The following UPF3A variants were observed in gnomAD, a reference collection of about 807,000 sequenced individuals.
UPF3A encodes UPF3A regulator of nonsense mediated mRNA decay, also known as regulator of nonsense transcripts 3A.
UPF3A carries 42 observed loss-of-function variants against 53.5 expected under a neutral mutation model. The ratio of observed to expected loss-of-function variants is 0.78; its 90% confidence interval spans 0.61 to 1.01. The LOEUF (loss-of-function observed/expected upper bound fraction) is 1.01, where lower values mean the gene tolerates loss of function less well. UPF3A is among the 50% of genes least tolerant of loss of function. UPF3A has a pLI of 0.00. For missense variants in UPF3A, 575 were observed against 598.0 expected, an observed-to-expected ratio of 0.96 and a Z score of 0.40; for synonymous variants, 237 against 225.3, an observed-to-expected ratio of 1.05 and a Z score of -0.47.
chr13:114,286,379 A>G lies in UPF3A; in HGVS notation c.499A>G (p.Lys167Glu). The G allele has an allele frequency of 1.9e-6, 3 of 1,614,252 alleles. No homozygotes were observed. The highest frequency in any genetic ancestry group is 2.5e-6 in the Non-Finnish European group (3 of 1,180,040). Residue 167 changes from lysine (K) to glutamate (E), a missense_variant, in exon 4 of 10, where the codon AAG becomes GAG. By Grantham distance (56) the Lys-to-Glu change is moderately conservative. This residue lies in a region of UPF3A where 323 missense variants were observed against 415.2 expected (regional missense o/e 0.78). Transcript: ENST00000375299. ...AAAGAAGCTGAGAAAAAAAGATGCC[A>G]AGACTGGAAGCATCGAAGATGGTGA... ...AKKKLRKKDA[K>E]TGSIEDDPEY...
chr13:114,295,309 T>G (rs1045519860), intron 7 of UPF3A, among the ~76,000 whole-genome samples: 5 of 141,554 alleles, frequency 3.5e-5, no homozygotes, highest in African/African-American at 1.3e-4. Context: ...AGAGCTGGCC[T>G]GCTCCCCAGC....
chr13:114,298,488 C>T lies in UPF3A; in HGVS notation c.847-352C>T, dbSNP rs111226515. Among the ~76,000 whole-genome samples the T allele has an allele frequency of 9.5e-3, 1,443 of 152,208 alleles. 10 individuals are homozygous for T. Among genetic ancestry groups the T allele is most frequent in the African/African-American group, 0.024 (994 of 41,540 alleles). ...CTTGGAGGCGGAGGCTGCAGTGAGC[C>T]GGGAGTGCGCCACGGCACTTCAGCC... On this transcript the variant is annotated intron_variant, in intron 7 of 9. Transcript: ENST00000375299.
At chr13:114,287,017 G>A (rs2084760034) in intron 5 of UPF3A, 1 of 164,768 alleles carries the variant, frequency 6.1e-6, no homozygotes, top group Non-Finnish European at 1.3e-5. Context: ...TTGCGGTGAG[G>A]TCATCTTGCT....
chr13:114,291,283 G>A (rs190040290), intron 5 of UPF3A, among the ~76,000 whole-genome samples: 1 of 152,280 alleles, frequency 6.6e-6, no homozygotes, highest in Admixed American at 6.5e-5. Context: ...TCAGGAATTA[G>A]ATGTCTACTA....
rs1373123098 is a variant in UPF3A, at chr13:114,283,201, T to C, written c.421+258T>C. On this transcript the variant is annotated intron_variant, in intron 3 of 9. Transcript: ENST00000375299. ...CGGCTGATTTAAAAAAAAAATTGTGTAGAGACGGGGGTCTCACTGTGTTGC... is the reference window on the plus strand; with the variant it reads ...CGGCTGATTTAAAAAAAAAATTGTGCAGAGACGGGGGTCTCACTGTGTTGC... 9.7e-6 allele frequency: 3 copies of C among 308,780 alleles called. No homozygotes were observed. In the Admixed American group the frequency reaches 1.5e-4, roughly 16 times the overall value. The allele number at this position is 308,780 out of a possible 1,614,324, so 19.1% of individuals were successfully genotyped here.
chr13:114,293,103 G>T (rs1351974590), intron 7 of UPF3A, among the ~76,000 whole-genome samples: 1 of 144,432 alleles, frequency 6.9e-6, no homozygotes, highest in Non-Finnish European at 1.5e-5. Context: ...AAATTTCCTG[G>T]CCGGGTGGGG....
intron 8 of UPF3A, 48 bp from the exon 9 acceptor site, chr13:114,301,683 C>T: frequency 6.4e-7 from 1 of 1,563,294 alleles, no homozygotes; most frequent in Non-Finnish European, 8.7e-7. Flanking sequence ...GGGTGGGCAG[C>T]CAACCGGCGG....
intron 8 of UPF3A, among the ~76,000 whole-genome samples, chr13:114,300,420 G>A (rs531165874): frequency 2.6e-5 from 4 of 152,144 alleles, no homozygotes; most frequent in Non-Finnish European, 5.9e-5. Context: ...CGCCCAGGCT[G>A]GAGTGCAGTG....
At chr13:114,293,773 G>A (rs75728461) in intron 7 of UPF3A, among the ~76,000 whole-genome samples, 5,032 of 152,274 alleles carry the variant, frequency 0.033, 121 homozygotes, top group Non-Finnish European at 0.045. Flanking sequence ...TTAGGAAAGG[G>A]TGGGGAAGAG....
intron 9 of UPF3A, 22 bp from the exon 10 acceptor site, chr13:114,304,767 A>G (rs780248581): frequency 1.2e-6 from 2 of 1,612,350 alleles, no homozygotes; most frequent in Non-Finnish European, 1.7e-6. Flanking sequence ...TGGAAGAGTA[A>G]CATGCCCTCT....
chr13:114,296,412 C>T (rs765553685), intron 7 of UPF3A, among the ~76,000 whole-genome samples: 3 of 152,022 alleles, frequency 2.0e-5, no homozygotes, highest in African/African-American at 4.8e-5. Context: ...ACGGGCCTTC[C>T]GGGTTGGTGA....
At chr13:114,296,480 A>T (rs1273711023) in intron 7 of UPF3A, among the ~76,000 whole-genome samples, 1 of 151,912 alleles carries the variant, frequency 6.6e-6, no homozygotes, top group Non-Finnish European at 1.5e-5. Flanking sequence ...ACTACACCAT[A>T]CCCCATACCC....
At chr13:114,300,183 A>G (rs75885955) in intron 8 of UPF3A, among the ~76,000 whole-genome samples, 89 of 152,232 alleles carry the variant, frequency 5.8e-4, no homozygotes, top group African/African-American at 2.0e-3. Flanking sequence ...TTTATTTACT[A>G]TTCATTTAAT....
In UPF3A at chr13:114,301,622, G is replaced by A. The variant is rs2086615706; in HGVS notation, c.1008-109G>A. On this transcript the variant is annotated intron_variant, in intron 8 of 9. Transcript: ENST00000375299. The stretch of plus-strand genomic sequence containing the variant: ...AGTGCAGCCTCAGCAGTGCAGCGCT[G>A]AGCACTTCGCATGGGTCCCTGTTGT... 13 of 1,084,576 alleles carry A rather than the reference G, an allele frequency of 1.2e-5. No individual in the cohort carries two copies. The South Asian group carries it at 1.9e-4, about 16-fold the overall frequency. The allele number at this position is 1,084,576 out of a possible 1,614,324, so 67.2% of individuals were successfully genotyped here. A position where few individuals can be genotyped will look rare whatever the true frequency, so the allele number is the denominator to read the frequency against.
Position 114,305,150 on chromosome 13 carries a change from T to C in UPF3A, c.*233T>C, listed in dbSNP as rs2086922271. Reference sequence around the variant, plus strand: ...CATTCCTGTTATAAACTAGTATTTGTTGTTTAGCCAAAACAGAAAATGATT... The same window carrying C: ...CATTCCTGTTATAAACTAGTATTTGCTGTTTAGCCAAAACAGAAAATGATT... On this transcript the variant is annotated 3_prime_UTR_variant, in exon 10 of 10. Transcript: ENST00000375299. The C allele has an allele frequency of 2.1e-6, 1 of 469,426 alleles. No homozygotes were observed. Among genetic ancestry groups the C allele is most frequent in the Non-Finnish European group, 3.9e-6 (1 of 254,596 alleles). 29.1% of individuals were successfully genotyped at this position (469,426 alleles called of 1,614,324 possible). A position where few individuals can be genotyped will look rare whatever the true frequency, so the allele number is the denominator to read the frequency against.
At chr13:114,281,991 C>T (rs1436311220) in intron 1 of UPF3A, 30 bp from the exon 2 acceptor site, 1 of 1,535,564 alleles carries the variant, frequency 6.5e-7, no homozygotes, top group Middle Eastern at 2.2e-4. Flanking sequence ...ACGCTCCGCC[C>T]CGGTGGGAAC....
chr13:114,288,211 A>G (rs770897098), intron 5 of UPF3A, among the ~76,000 whole-genome samples: 1 of 152,268 alleles, frequency 6.6e-6, no homozygotes, highest in South Asian at 2.1e-4. Flanking sequence ...AGCAGGTTGC[A>G]CAAGGCCTCT....
At chr13:114,291,425 A>G in intron 5 of UPF3A, 64 bp from the exon 6 acceptor site, 1 of 1,394,186 alleles carries the variant, frequency 7.2e-7, no homozygotes, top group Non-Finnish European at 9.8e-7. Context: ...TACATTCAAA[A>G]CAAGTATTTA....
Position 114,294,939 on chromosome 13 carries a change from T to C in UPF3A, c.846+3147T>C, listed in dbSNP as rs535167895. ...CATCCTGGCTAACACGGTGAAACCC[T>C]ATCTCTACTAAAAATACAAAAAATT... is the stretch of plus-strand genomic sequence containing the variant. On this transcript the variant is annotated intron_variant, in intron 7 of 9. Transcript: ENST00000375299. Among the ~76,000 whole-genome samples, 1,097 of 144,400 alleles carry C rather than the reference T, an allele frequency of 7.6e-3. 17 individuals are homozygous for C. The highest frequency in any genetic ancestry group is 0.062 in the South Asian group (283 of 4,560). The allele number at this position is 144,400 out of a possible 152,430, so 94.7% of individuals were successfully genotyped here. A position where few individuals can be genotyped will look rare whatever the true frequency, so the allele number is the denominator to read the frequency against.
Sources: allele counts gnomAD v4.1 joint callset (sites outside exome capture counted in the v4.1 genomes callset), GRCh38; gene constraint gnomAD v4.1.1; regional missense constraint gnomAD v4.1.1; transcripts MANE v1.5; gene names NCBI Gene and HGNC (gene_info 2026-07-23, HGNC 2026-07-21).